NTMT1: variants seen among roughly 807,000 people sequenced by gnomAD.
The protein encoded by NTMT1 is N-terminal RCC1 methyltransferase.
In NTMT1, 8 loss-of-function variants were observed where a neutral mutation model predicts 17.5. The observed-to-expected ratio is 0.46, with a 90% CI of 0.27 to 0.82. The LOEUF is 0.82. Ranked by LOEUF, NTMT1 falls within the 40% of genes least tolerant of loss-of-function variation. NTMT1 has a pLI of 0.15. For missense variants in NTMT1, 221 were observed against 303.5 expected, an observed-to-expected ratio of 0.73 and a Z score of 2.02; for synonymous variants, 128 against 126.8, an observed-to-expected ratio of 1.01 and a Z score of -0.06.
At chr9:129,618,868 G>GTT (rs34259203) in intron 1 of NTMT1, among the ~76,000 whole-genome samples, 42 of 128,278 alleles carry the variant, frequency 3.3e-4, no homozygotes, top group Admixed American at 1.2e-3. Context: ...AATTTTTTGT[G>GTT]TTTTTTTTTT....
chr9:129,611,477 C>T (rs981448586), intron 1 of NTMT1, among the ~76,000 whole-genome samples: 1 of 152,238 alleles, frequency 6.6e-6, no homozygotes, highest in African/African-American at 2.4e-5. Context: ...CCCAGCCCGT[C>T]CCACACAGGT....
At position 129,620,195 on chromosome 9, in the gene NTMT1, G is replaced by A. The variant is rs1050064180; in HGVS notation, c.-55+11017G>A. ...GTCCTCCCTGGCCACGCGCCTCCGG[G>A]GGCGCTCGCGCTCTCCAGGCCCTGG... On this transcript the variant is annotated intron_variant, in intron 1 of 3. Transcript: ENST00000372486. This position sits in a 1 kb window ranked among gnomAD's most constrained non-coding sequence, Gnocchi z 5.8. 7 of 1,450,118 alleles carry A rather than the reference G, an allele frequency of 4.8e-6. No individual in the cohort carries two copies. The highest frequency in any genetic ancestry group is 2.8e-5 in the Admixed American group (1 of 35,550). The allele number at this position is 1,450,118 out of a possible 1,614,324, so 89.8% of individuals were successfully genotyped here. A position where few individuals can be genotyped will look rare whatever the true frequency, so the allele number is the denominator to read the frequency against.
chr9:129,625,383 T>G (rs1053623030), upstream of NTMT1, among the ~76,000 whole-genome samples: 3 of 152,180 alleles, frequency 2.0e-5, no homozygotes, highest in Non-Finnish European at 2.9e-5. Flanking sequence ...ATGGGTGGAT[T>G]TGAGGACCAA....
rs377459584 is a variant in NTMT1 at position 129,620,593 on chromosome 9, C to T, written c.-55+11415C>T. 9.9e-5 allele frequency: 131 copies of T among 1,322,810 alleles called. 1 individual carries two copies. In the African/African-American group the frequency reaches 1.8e-3, roughly 18 times the overall value. The allele number at this position is 1,322,810 out of a possible 1,614,324, so 81.9% of individuals were successfully genotyped here. A position where few individuals can be genotyped will look rare whatever the true frequency, so the allele number is the denominator to read the frequency against. On this transcript the variant is annotated intron_variant, in intron 1 of 3. Transcript: ENST00000372486. The surrounding 1 kb of genome is among the most constrained non-coding windows in gnomAD (Gnocchi z 5.8). ...AGAACATGCTTGGCCCCGCACTCAG[C>T]TCACCGCACCCTCAGCGCGCGTGGG...
At chr9:129,615,436 T>C (rs1054188080) in intron 1 of NTMT1, 7 of 1,512,740 alleles carry the variant, frequency 4.6e-6, no homozygotes, top group Non-Finnish European at 6.2e-6. Flanking sequence ...TCTGCCCTCC[T>C]GGCTAGAACT....
intron 1 of NTMT1, among the ~76,000 whole-genome samples, chr9:129,628,933 A>G (rs924061850): frequency 6.6e-6 from 1 of 152,216 alleles, no homozygotes; most frequent in East Asian, 1.9e-4. Context: ...TGCTCTCGCC[A>G]TGGTCCAGTC....
At chr9:129,609,939 G>A (rs1320669452) in intron 1 of NTMT1, among the ~76,000 whole-genome samples, 5 of 151,540 alleles carry the variant, frequency 3.3e-5, no homozygotes, top group Admixed American at 3.3e-4. Context: ...CCGGGTATGT[G>A]TGTGGTGTGT....
chr9:129,635,055 T>C, intron 3 of NTMT1, 153 bp from the exon 4 acceptor site: 1 of 859,864 alleles, frequency 1.2e-6, no homozygotes, highest in Non-Finnish European at 1.8e-6. Context: ...TGGGGTTTAG[T>C]AAATCTCTCG....
rs760964778 is a variant in NTMT1, at chr9:129,632,744, C to G, written c.41C>G (p.Ser14Cys). The G allele has an allele frequency of 6.2e-7, 1 of 1,614,156 alleles. No individual in the cohort carries two copies. Among genetic ancestry groups the G allele is most frequent in the Admixed American group, 1.7e-5 (1 of 60,016 alleles). Residue 14 changes from serine (S) to cysteine (C), a missense_variant, in exon 2 of 4, where the codon TCC (serine) becomes TGC (cysteine). Physicochemically the swap from Ser to Cys is moderately radical, Grantham distance 112. Coordinates refer to ENST00000372483, the MANE Select transcript of NTMT1 (RefSeq NM_014064.4). Reference protein sequence around the residue: ...EVIEDEKQFYSKAKTYWKQIP... With the variant: ...EVIEDEKQFYCKAKTYWKQIP... Reference sequence around the variant, plus strand: ...ATAGAAGACGAGAAGCAATTCTATTCCAAGGCCAAGACCTACTGGAAACAA... The same window carrying G: ...ATAGAAGACGAGAAGCAATTCTATTGCAAGGCCAAGACCTACTGGAAACAA...
upstream of NTMT1, among the ~76,000 whole-genome samples, chr9:129,621,288 C>T (rs888888912): frequency 6.6e-6 from 1 of 152,186 alleles, no homozygotes; most frequent in Non-Finnish European, 1.5e-5. Context: ...TGACTTACCC[C>T]CAGCCCCCAT....
At chr9:129,634,583 A>C in intron 3 of NTMT1, 1 of 399,510 alleles carries the variant, frequency 2.5e-6, no homozygotes, top group Non-Finnish European at 4.5e-6. Flanking sequence ...AATGGCCAAT[A>C]ACTTACTGCA....
Position 129,613,636 on chromosome 9 carries a change from G to A in NTMT1, c.-55+4458G>A. The A allele has an allele frequency of 1.2e-6, 2 of 1,611,418 alleles. No homozygotes were observed. The highest frequency in any genetic ancestry group is 1.7e-6 in the Non-Finnish European group (2 of 1,178,464). On this transcript the variant is annotated intron_variant, in intron 1 of 3. Transcript: ENST00000372486. This position sits in a 1 kb window ranked among gnomAD's most constrained non-coding sequence, Gnocchi z 6.2. ...GGCAGGGTGAGATCTCTGCCCAGGA[G>A]GAGGGCACTGGTGCCCCCACCCTCT...
At chr9:129,615,427 C>T in intron 1 of NTMT1, 1 of 1,492,712 alleles carries the variant, frequency 6.7e-7, no homozygotes, top group Non-Finnish European at 8.9e-7. Context: ...TACAGCCTCT[C>T]TGCCCTCCTG....
chr9:129,635,526 C>T lies in NTMT1; in HGVS notation c.*62C>T. 1.3e-6 allele frequency: 2 copies of T among 1,557,862 alleles called. No homozygotes were observed. The highest frequency in any genetic ancestry group is 1.7e-6 in the Non-Finnish European group (2 of 1,149,820). ...CTGGTGGGGGGAGCTGGCAGCTGGGCAAGATCCAGGCGCCACGCTGGCGGT... is the reference window on the plus strand; with the variant it reads ...CTGGTGGGGGGAGCTGGCAGCTGGGTAAGATCCAGGCGCCACGCTGGCGGT... On this transcript the variant is annotated 3_prime_UTR_variant, in exon 4 of 4. Transcript: ENST00000372483.
Position 129,635,360 on chromosome 9 carries a change from G to A in NTMT1, c.568G>A (p.Val190Ile), listed in dbSNP as rs1267624349. Residue 190 changes from valine (V) to isoleucine (I), a missense_variant, in exon 4 of 4, where the codon GTC becomes ATC. Physicochemically the swap from Val to Ile is conservative, Grantham distance 29 (BLOSUM62 3). Coordinates refer to ENST00000372483, the MANE Select transcript of NTMT1 (RefSeq NM_014064.4). ...CAGCGTGTGCCGGGACCTTGACGTG[G>A]TCCGCAGGATCATCTGCAGTGCAGG... is the stretch of plus-strand genomic sequence containing the variant. ...DSSVCRDLDV[V>I]RRIICSAGLS... The A allele has an allele frequency of 1.9e-6, 3 of 1,613,804 alleles. No individual in the cohort carries two copies. Among genetic ancestry groups the A allele is most frequent in the Non-Finnish European group, 2.5e-6 (3 of 1,180,028 alleles).
chr9:129,619,091 C>T (rs1348626073), intron 1 of NTMT1, among the ~76,000 whole-genome samples: 1 of 151,860 alleles, frequency 6.6e-6, no homozygotes, highest in Admixed American at 6.6e-5. Flanking sequence ...ACACCTGATT[C>T]ATGGGTGGGT....
chr9:129,630,841 T>G (rs1022504494), intron 1 of NTMT1, among the ~76,000 whole-genome samples: 1 of 152,250 alleles, frequency 6.6e-6, no homozygotes, highest in Non-Finnish European at 1.5e-5. Context: ...TATCAGGATG[T>G]AGCAGCTGCT....
intron 1 of NTMT1, chr9:129,628,369 C>G (rs1830994433): frequency 6.6e-6 from 1 of 152,164 alleles, no homozygotes; most frequent in South Asian, 2.1e-4. Flanking sequence ...CTGGCTTGTT[C>G]CCAGAATTTG....
At chr9:129,617,586 C>T (rs150175609) in intron 1 of NTMT1, among the ~76,000 whole-genome samples, 105 of 152,332 alleles carry the variant, frequency 6.9e-4, no homozygotes, top group African/African-American at 2.0e-3. Context: ...GAATGAATTC[C>T]ATACTTTTAT....
Sources: allele counts gnomAD v4.1 joint callset (sites outside exome capture counted in the v4.1 genomes callset), GRCh38; gene constraint gnomAD v4.1.1; non-coding constraint Gnocchi (gnomAD v3.1); transcripts MANE v1.5; gene names NCBI Gene and HGNC (gene_info 2026-07-23, HGNC 2026-07-21).